CECR2: variants seen among roughly 807,000 people sequenced by gnomAD.
CECR2 encodes chromatin remodeling regulator CECR2.
Under a neutral mutation model 154.5 loss-of-function variants are expected in CECR2, and 30 were observed. The observed-to-expected ratio is 0.19, with a 90% CI of 0.15 to 0.26. The LOEUF is 0.26. CECR2 is among the 10% of genes least tolerant of loss of function. The pLI is 1.00. For synonymous variants in CECR2, 725 were observed against 683.7 expected (o/e 1.06, Z -0.94); for missense variants, 1,743 against 1,829.3 (o/e 0.95, Z 0.86).
At chr22:17,484,912 G>A (rs145061204) in intron 2 of CECR2, among the ~76,000 whole-genome samples, 1 of 152,146 alleles carries the variant, frequency 6.6e-6, no homozygotes, top group Admixed American at 6.6e-5. Context: ...TTTGGCCCTC[G>A]GGCTATAATT....
chr22:17,478,646 C>T lies in CECR2; in HGVS notation c.221+964C>T, dbSNP rs114777292. On this transcript the variant is annotated intron_variant, in intron 2 of 18. Coordinates refer to ENST00000262608, the MANE Select transcript of CECR2 (RefSeq NM_001290047.2). ...CTGGGATTACAGGCGTGAGCCACCG[C>T]GCCTGGCCAAGTATCAGATATTTTT... is the stretch of plus-strand genomic sequence containing the variant. Among the ~76,000 whole-genome samples, 1,234 of 152,218 alleles carry T rather than the reference C, an allele frequency of 8.1e-3. 15 individuals carry two copies. Among genetic ancestry groups the T allele is most frequent in the African/African-American group, 0.028 (1,173 of 41,540 alleles).
chr22:17,367,404 A>G (rs2063007929), upstream of CECR2, among the ~76,000 whole-genome samples: 1 of 152,006 alleles, frequency 6.6e-6, no homozygotes, highest in African/African-American at 2.4e-5. Flanking sequence ...TTATTTTTTG[A>G]GACGGAGTCT....
At chr22:17,481,298 G>C (rs1389226055) in intron 2 of CECR2, among the ~76,000 whole-genome samples, 1 of 143,910 alleles carries the variant, frequency 6.9e-6, no homozygotes, top group Non-Finnish European at 1.5e-5. Context: ...AGCCAAGATC[G>C]TGTCATTGCA....
chr22:17,498,391 TAA>T (rs11376543), intron 3 of CECR2, among the ~76,000 whole-genome samples: 2 of 145,732 alleles, frequency 1.4e-5, no homozygotes, highest in African/African-American at 2.5e-5. Flanking sequence ...ACTCCGTCTT[TAA>T]AAAAAAAAAA....
At chr22:17,425,734 A>G (rs891078804) in intron 1 of CECR2, among the ~76,000 whole-genome samples, 11 of 135,342 alleles carry the variant, frequency 8.1e-5, no homozygotes, top group Non-Finnish European at 1.8e-4. Context: ...AGGCGGATAG[A>G]CCAAGGGTCT....
intron 8 of CECR2, among the ~76,000 whole-genome samples, chr22:17,521,553 A>G (rs2056158663): frequency 6.6e-6 from 1 of 150,452 alleles, no homozygotes; most frequent in Non-Finnish European, 1.5e-5. Context: ...GAGAGAGAGA[A>G]GTGTCTGTTC....
intron 2 of CECR2, among the ~76,000 whole-genome samples, chr22:17,493,644 G>A (rs5747203): frequency 0.13 from 20,177 of 152,192 alleles, 1,770 homozygotes; most frequent in East Asian, 0.44. Context: ...AAAGCTTTTA[G>A]CAAAAGTGAT....
chr22:17,540,893 CTTACGTGT>C (rs1569152464), intron 14 of CECR2, 93 bp downstream of exon 14: 2 of 1,314,668 alleles, frequency 1.5e-6, no homozygotes, highest in Non-Finnish European at 2.0e-6. Context: ...CTGCAAAATA[CTTACGTGT>C]ATGTATGGAA....
intron 2 of CECR2, among the ~76,000 whole-genome samples, chr22:17,486,998 C>T (rs1027313599): frequency 5.3e-5 from 8 of 152,108 alleles, no homozygotes; most frequent in Non-Finnish European, 8.8e-5. Flanking sequence ...TCCAGGACTT[C>T]GCTGGAAGGT....
intron 3 of CECR2, among the ~76,000 whole-genome samples, chr22:17,498,186 C>T (rs1347522086): frequency 1.3e-5 from 2 of 152,042 alleles, no homozygotes; most frequent in Non-Finnish European, 1.5e-5. Flanking sequence ...GTCAGGAGAT[C>T]GAGACCATCC....
intron 1 of CECR2, among the ~76,000 whole-genome samples, chr22:17,466,679 G>A (rs142585845): frequency 6.7e-6 from 1 of 149,610 alleles, no homozygotes; most frequent in African/African-American, 2.5e-5. Context: ...ACTTCAGCCT[G>A]CACCTCCCGG....
At chr22:17,513,936 C>T (rs979852516) in intron 8 of CECR2, among the ~76,000 whole-genome samples, 1 of 152,192 alleles carries the variant, frequency 6.6e-6, no homozygotes, top group African/African-American at 2.4e-5. Flanking sequence ...TTATTCTTGG[C>T]AGTGTTTGAG....
chr22:17,372,670 A>G (rs899482764), intron 1 of CECR2, among the ~76,000 whole-genome samples: 1 of 152,194 alleles, frequency 6.6e-6, no homozygotes, highest in Non-Finnish European at 1.5e-5. Flanking sequence ...TCTGTCTCAA[A>G]ATAAATATAT....
At chr22:17,500,407 C>T (rs550422708) in intron 4 of CECR2, among the ~76,000 whole-genome samples, 2 of 152,202 alleles carry the variant, frequency 1.3e-5, no homozygotes, top group African/African-American at 2.4e-5. Context: ...GCTTACTCTT[C>T]GGAAGGTGTT....
Position 17,555,181 on chromosome 22 carries a change from C to T in CECR2, c.*2341C>T, listed in dbSNP as rs1390631848. On this transcript the variant is annotated 3_prime_UTR_variant, in exon 19 of 19. Coordinates refer to ENST00000262608, the MANE Select transcript of CECR2 (RefSeq NM_001290047.2). ...AGGTAATCCTGTCTCCTCTCTCTCC[C>T]AGTGACCGCCCCAATCAGCTGTTGC... 6.6e-6 allele frequency: 1 copy of T among 152,336 alleles called. No individual in the cohort carries two copies. The highest frequency in any genetic ancestry group is 2.4e-5 in the African/African-American group (1 of 41,470). 9.4% of individuals were successfully genotyped at this position (152,336 alleles called of 1,614,324 possible).
intron 1 of CECR2, among the ~76,000 whole-genome samples, chr22:17,466,891 C>T (rs1204790078): frequency 3.9e-5 from 6 of 152,058 alleles, no homozygotes; most frequent in African/African-American, 1.4e-4. Flanking sequence ...TGCACTTGGC[C>T]AAAACCTTTC....
intron 1 of CECR2, among the ~76,000 whole-genome samples, chr22:17,472,666 C>T (rs1296461733): frequency 6.6e-6 from 1 of 152,128 alleles, no homozygotes; most frequent in Non-Finnish European, 1.5e-5. Context: ...GATCCTTAAT[C>T]AGAAGTTGAA....
intron 1 of CECR2, among the ~76,000 whole-genome samples, chr22:17,372,127 A>C (rs1262934066): frequency 1.3e-5 from 2 of 152,204 alleles, no homozygotes; most frequent in African/African-American, 4.8e-5. Context: ...TTTGAAATAC[A>C]TGCAACAGAA....
chr22:17,509,016 C>T (rs531814998), intron 7 of CECR2, among the ~76,000 whole-genome samples: 13 of 152,084 alleles, frequency 8.5e-5, no homozygotes, highest in African/African-American at 1.9e-4. Flanking sequence ...TTTGGGAGGC[C>T]GAGGCGGGTG....
Sources: allele counts gnomAD v4.1 joint callset (sites outside exome capture counted in the v4.1 genomes callset), GRCh38; gene constraint gnomAD v4.1.1; transcripts MANE v1.5; gene names NCBI Gene and HGNC (gene_info 2026-07-23, HGNC 2026-07-21).